PPM1H: variants seen among roughly 807,000 people sequenced by gnomAD.
The protein encoded by PPM1H is protein phosphatase 1H.
A neutral mutation model predicts 54.9 loss-of-function variants in PPM1H; 27 were observed. The ratio of observed to expected loss-of-function variants is 0.49; its 90% confidence interval spans 0.36 to 0.68. The LOEUF (loss-of-function observed/expected upper bound fraction) is 0.68. PPM1H is among the 30% of genes least tolerant of loss of function. The probability of loss-of-function intolerance (pLI) is 0.00; values close to 1 mark genes in which losing one functional copy is unlikely to be tolerated. For synonymous variants in PPM1H, 305 were observed against 270.8 expected (o/e 1.13, Z -1.24); for missense variants, 596 against 667.8 (o/e 0.89, Z 1.19).
intron 1 of PPM1H, among the ~76,000 whole-genome samples, chr12:62,847,886 C>T (rs1241112240): frequency 6.6e-6 from 1 of 151,986 alleles, no homozygotes; most frequent in Non-Finnish European, 1.5e-5. Context: ...TGCGGAAGGA[C>T]TCAGAAATTG....
chr12:62,920,743 T>A (rs1301213243), intron 1 of PPM1H, among the ~76,000 whole-genome samples: 2 of 152,096 alleles, frequency 1.3e-5, no homozygotes, highest in Non-Finnish European at 2.9e-5. Flanking sequence ...CACTGTACCT[T>A]ACAATTTGCT....
chr12:62,671,103 C>T (rs1422347639), intron 8 of PPM1H, among the ~76,000 whole-genome samples: 4 of 152,160 alleles, frequency 2.6e-5, no homozygotes, highest in Non-Finnish European at 5.9e-5. Context: ...GTTGGCCTTA[C>T]TCAATCGAAC....
At chr12:62,697,716 A>G (rs931361530) in intron 6 of PPM1H, among the ~76,000 whole-genome samples, 1 of 152,218 alleles carries the variant, frequency 6.6e-6, no homozygotes, top group African/African-American at 2.4e-5. Flanking sequence ...GTGTCTAGTC[A>G]TAGAACCAAT....
chr12:62,729,058 G>GAGCCCTTACATATGCTA (rs2076305844), intron 5 of PPM1H, among the ~76,000 whole-genome samples: 1 of 152,142 alleles, frequency 6.6e-6, no homozygotes, highest in Non-Finnish European at 1.5e-5. Flanking sequence ...ACTAACATTT[G>GAGCCCTTACATATGCTA]AGCCCTTACA....
chr12:62,784,642 G>A (rs925403106), intron 4 of PPM1H, among the ~76,000 whole-genome samples: 1 of 152,188 alleles, frequency 6.6e-6, no homozygotes, highest in African/African-American at 2.4e-5. Flanking sequence ...TTTAAACTGA[G>A]CCCTGGGATT....
intron 8 of PPM1H, among the ~76,000 whole-genome samples, chr12:62,684,111 G>C (rs2076038712): frequency 6.6e-6 from 1 of 152,194 alleles, no homozygotes; most frequent in East Asian, 1.9e-4. Context: ...GAGGATGGGG[G>C]ACCTGGCTGG....
rs1868857645 is a variant in PPM1H at position 62,843,996 on chromosome 12, T to C, written c.246-11717A>G. ...TAATTTAGCCCTTGAGGTCTCAGAATAACCCATCTGAGTTTCATTTTAGGC... is the reference window on the plus strand; with the variant it reads ...TAATTTAGCCCTTGAGGTCTCAGAACAACCCATCTGAGTTTCATTTTAGGC... On this transcript the variant is annotated intron_variant, in intron 1 of 9. Transcript: ENST00000228705. Among the ~76,000 whole-genome samples, 3 of 152,348 alleles carry C rather than the reference T, an allele frequency of 2.0e-5. No homozygotes were observed. The South Asian group carries it at 6.2e-4, about 32-fold the overall frequency.
intron 1 of PPM1H, among the ~76,000 whole-genome samples, chr12:62,859,925 A>G (rs753456184): frequency 5.3e-5 from 8 of 152,244 alleles, no homozygotes; most frequent in Non-Finnish European, 1.2e-4. Flanking sequence ...GCATGCGCTA[A>G]CAGAGAACAT....
At chr12:62,856,313 T>A (rs3913253) in intron 1 of PPM1H, among the ~76,000 whole-genome samples, 58,182 of 151,956 alleles carry the variant, frequency 0.38, 12,013 homozygotes, top group East Asian at 0.56. Context: ...GGGGCCTCTC[T>A]AATGAGCATA....
chr12:62,717,013 G>A (rs957268462), intron 6 of PPM1H, among the ~76,000 whole-genome samples: 1 of 152,130 alleles, frequency 6.6e-6, no homozygotes. Flanking sequence ...TTGCTCTGTT[G>A]CCCAGGCTGG....
rs57170352 is a variant in PPM1H at position 62,823,698 on chromosome 12, G to A, written c.411+8416C>T. ...AAAAGGCCTTTGACAAAATTCAACA[G>A]CCCTTCATGCTAAAAACTCTCAATA... On this transcript the variant is annotated intron_variant, in intron 2 of 9. Coordinates refer to ENST00000228705, the MANE Select transcript of PPM1H (RefSeq NM_020700.2). Among the ~76,000 whole-genome samples, 683 of 152,122 alleles carry A rather than the reference G, an allele frequency of 4.5e-3. 9 individuals carry two copies. The highest frequency in any genetic ancestry group is 0.015 in the African/African-American group (619 of 41,502).
chr12:62,924,554 C>T (rs1211029650), intron 1 of PPM1H, among the ~76,000 whole-genome samples: 1 of 152,194 alleles, frequency 6.6e-6, no homozygotes, highest in Non-Finnish European at 1.5e-5. Flanking sequence ...TTACTACATT[C>T]GAGACTATCA....
chr12:62,831,720 T>C (rs1406405663), intron 2 of PPM1H, among the ~76,000 whole-genome samples: 1 of 151,394 alleles, frequency 6.6e-6, no homozygotes, highest in Admixed American at 6.6e-5. Context: ...TGTGTGTGTG[T>C]GTGTGTGTGA....
chr12:62,728,205 T>C (rs922846296), intron 5 of PPM1H, among the ~76,000 whole-genome samples: 2 of 152,140 alleles, frequency 1.3e-5, no homozygotes, highest in Non-Finnish European at 1.5e-5. Context: ...CCAAGACTCT[T>C]AGGGACTCTA....
chr12:62,737,158 A>G (rs988231080), intron 5 of PPM1H, among the ~76,000 whole-genome samples: 1 of 150,934 alleles, frequency 6.6e-6, no homozygotes, highest in Non-Finnish European at 1.5e-5. Flanking sequence ...GTAGCGGGCC[A>G]TGGAAGAAGG....
chr12:62,881,294 A>G (rs1407032589), intron 1 of PPM1H, among the ~76,000 whole-genome samples: 2 of 152,134 alleles, frequency 1.3e-5, no homozygotes, highest in East Asian at 3.9e-4. Flanking sequence ...ACATGAATCT[A>G]GGTGCTGCTG....
At chr12:62,655,717 C>T (rs1258799625) in intron 9 of PPM1H, among the ~76,000 whole-genome samples, 1 of 152,142 alleles carries the variant, frequency 6.6e-6, no homozygotes, top group African/African-American at 2.4e-5. Context: ...GCAGCCGGAG[C>T]CCGATGCTTC....
chr12:62,798,906 C>T (rs928068860), intron 3 of PPM1H, among the ~76,000 whole-genome samples: 2 of 152,196 alleles, frequency 1.3e-5, no homozygotes, highest in Non-Finnish European at 2.9e-5. Flanking sequence ...CCCAGGGAAC[C>T]TTTCCCTTCA....
Position 62,934,177 on chromosome 12 carries a change from C to T in PPM1H, c.245+315G>A, listed in dbSNP as rs1872243213. On this transcript the variant is annotated intron_variant, in intron 1 of 9. Transcript: ENST00000228705. This position sits in a 1 kb window ranked among gnomAD's most constrained non-coding sequence, Gnocchi z 4.2. ...TTTCAAACTTCAGAGCTTTTCTGCC[C>T]GTTTTTTTTCCCCAAGTGACAGAGA... 4 of 321,940 alleles carry T rather than the reference C, an allele frequency of 1.2e-5. No homozygotes were observed. The highest frequency in any genetic ancestry group is 2.3e-5 in the Non-Finnish European group (4 of 176,316). 19.9% of individuals were successfully genotyped at this position (321,940 alleles called of 1,614,324 possible). A position where few individuals can be genotyped will look rare whatever the true frequency, so the allele number is the denominator to read the frequency against.
Sources: gnomAD v4.1 joint callset for allele counts (sites outside exome capture counted in the v4.1 genomes callset) on GRCh38, gnomAD v4.1.1 for gene constraint, Gnocchi (gnomAD v3.1) non-coding constraint, MANE v1.5 for transcripts, NCBI Gene and HGNC (gene_info 2026-07-23, HGNC 2026-07-21) for gene names.